HPCAL1: variants seen among roughly 807,000 people sequenced by gnomAD.
HPCAL1 encodes the protein hippocalcin like 1, also known as hippocalcin-like protein 1.
In HPCAL1, 8 loss-of-function variants were observed where a neutral mutation model predicts 17.1. That is an observed-to-expected ratio of 0.47 (90% CI 0.27 to 0.84). HPCAL1 has a LOEUF of 0.84. Among genes scored for constraint, HPCAL1 ranks in the 40% least tolerant of loss-of-function variants. The probability of loss-of-function intolerance (pLI) is 0.13; values close to 1 mark genes in which losing one functional copy is unlikely to be tolerated. For synonymous variants in HPCAL1, 112 were observed against 111.4 expected, an observed-to-expected ratio of 1.01 and a Z score of -0.03; for missense variants, 165 against 271.1, an observed-to-expected ratio of 0.61 and a Z score of 2.75.
intron 1 of HPCAL1, among the ~76,000 whole-genome samples, chr2:10,307,768 A>G (rs1662714956): frequency 1.3e-5 from 2 of 152,172 alleles, no homozygotes; most frequent in African/African-American, 4.8e-5. Flanking sequence ...CTCTTCCGGC[A>G]CAGCGGAGCC....
In HPCAL1 at chr2:10,359,932, C is replaced by T. The variant is rs527571104; in HGVS notation, c.-110-36903C>T. Among the ~76,000 whole-genome samples the T allele has an allele frequency of 2.9e-4, 44 of 151,904 alleles. No homozygotes were observed. The South Asian group carries it at 5.2e-3, about 18-fold the overall frequency. On this transcript the variant is annotated intron_variant, in intron 1 of 4. Coordinates refer to ENST00000307845, the MANE Select transcript of HPCAL1 (RefSeq NM_002149.4). This position sits in a 1 kb window ranked among gnomAD's most constrained non-coding sequence, Gnocchi z 4.1. ...TCCACAGCGCCCGCCGGGTCCACAG[C>T]GCCCGCCGGGTCCACAGCGCCCACC... is the stretch of plus-strand genomic sequence containing the variant.
At position 10,365,598 on chromosome 2, in the gene HPCAL1, G is replaced by A. The variant is rs572468882; in HGVS notation, c.-110-31237G>A. 4.6e-5 allele frequency among the ~76,000 whole-genome samples: 7 copies of A among 151,724 alleles called. No homozygotes were observed. Among genetic ancestry groups the A allele is most frequent in the Admixed American group, 3.3e-4 (5 of 15,238 alleles). Reference sequence around the variant, plus strand: ...TTCAGCCCTGGCGTTATGATGTCCCGCCCAACCCCCGACCGCACACCTCCC... The same window carrying A: ...TTCAGCCCTGGCGTTATGATGTCCCACCCAACCCCCGACCGCACACCTCCC... On this transcript the variant is annotated intron_variant, in intron 1 of 4. Coordinates refer to ENST00000307845, the MANE Select transcript of HPCAL1 (RefSeq NM_002149.4). The surrounding 1 kb of genome is among the most constrained non-coding windows in gnomAD (Gnocchi z 4.8).
In HPCAL1 at chr2:10,351,777, CAAAT is replaced by C. The variant is rs540432874; in HGVS notation, c.-110-45054_-110-45051del. Among the ~76,000 whole-genome samples the C allele has an allele frequency of 3.3e-5, 5 of 151,844 alleles. No homozygotes were observed. In the South Asian group the frequency reaches 1.0e-3, roughly 32 times the overall value. ...CTGTCTCAAATATAAAACAAACAAA[CAAAT>C]AAAGGGCAAAATTCTCCCTGTCTGA... On this transcript the variant is annotated intron_variant, in intron 1 of 4. Coordinates refer to ENST00000307845, the MANE Select transcript of HPCAL1 (RefSeq NM_002149.4).
At chr2:10,413,751 A>T (rs3755262) in intron 2 of HPCAL1, among the ~76,000 whole-genome samples, 1 of 152,108 alleles carries the variant, frequency 6.6e-6, no homozygotes, top group African/African-American at 2.4e-5. Flanking sequence ...TTCCAATGGG[A>T]TCGGTAAGAA....
chr2:10,343,347 T>C lies in HPCAL1; in HGVS notation c.-111+40170T>C, dbSNP rs1656595480. ...AATCCTCGGAGTAATGACTCTCTTCTAGGAGCAAGATGATGCTAATTCTCA... is the reference window on the plus strand; with the variant it reads ...AATCCTCGGAGTAATGACTCTCTTCCAGGAGCAAGATGATGCTAATTCTCA... On this transcript the variant is annotated intron_variant, in intron 1 of 4. Coordinates refer to ENST00000307845, the MANE Select transcript of HPCAL1 (RefSeq NM_002149.4). This position sits in a 1 kb window ranked among gnomAD's most constrained non-coding sequence, Gnocchi z 4.8. 6.6e-6 allele frequency among the ~76,000 whole-genome samples: 1 copy of C among 152,210 alleles called. No homozygotes were observed. Among genetic ancestry groups the C allele is most frequent in the South Asian group, 2.1e-4 (1 of 4,826 alleles).
intron 1 of HPCAL1, among the ~76,000 whole-genome samples, chr2:10,345,208 T>A (rs1001478735): frequency 1.1e-4 from 17 of 152,204 alleles, no homozygotes; most frequent in Admixed American, 1.0e-3. Context: ...TCTGTCTCTT[T>A]CTTTCTGTCT....
rs58882247 is a variant in HPCAL1, at chr2:10,348,910, A to C, written c.-111+45733A>C. ...AGTATGTCTGCCTCTCACGGTGCCC[A>C]GTAGCTTTAACCAAAGAGCTCAGGA... On this transcript the variant is annotated intron_variant, in intron 1 of 4. Coordinates refer to ENST00000307845, the MANE Select transcript of HPCAL1 (RefSeq NM_002149.4). Among the ~76,000 whole-genome samples, 1,156 of 152,342 alleles carry C rather than the reference A, an allele frequency of 7.6e-3. 25 individuals are homozygous for C. Among genetic ancestry groups the C allele is most frequent in the African/African-American group, 0.026 (1,101 of 41,568 alleles).
rs892031730 is a variant in HPCAL1 at position 10,342,422 on chromosome 2, G to A, written c.-111+39245G>A. On this transcript the variant is annotated intron_variant, in intron 1 of 4. Transcript: ENST00000307845. The surrounding 1 kb of genome is among the most constrained non-coding windows in gnomAD (Gnocchi z 4.1). ...TGGGTCCTGGGATATAGCCACATGT[G>A]CAGTCCGTGCCTCCAGCGCGCAGCC... Among the ~76,000 whole-genome samples, 4 of 151,652 alleles carry A rather than the reference G, an allele frequency of 2.6e-5. No individual in the cohort carries two copies. The highest frequency in any genetic ancestry group is 9.7e-5 in the African/African-American group (4 of 41,328).
chr2:10,348,156 T>C (rs906554849), intron 1 of HPCAL1, among the ~76,000 whole-genome samples: 1 of 152,068 alleles, frequency 6.6e-6, no homozygotes, highest in African/African-American at 2.4e-5. Context: ...TCTTTAAAAA[T>C]ACTAGGGGCC....
chr2:10,399,496 TCAC>T, intron 2 of HPCAL1, among the ~76,000 whole-genome samples: 1 of 48,124 alleles, frequency 2.1e-5, no homozygotes, highest in East Asian at 6.9e-4. Context: ...ACCGCCACCA[TCAC>T]CATCACCACC....
intron 1 of HPCAL1, among the ~76,000 whole-genome samples, chr2:10,386,638 T>C (rs1668328263): frequency 6.6e-6 from 1 of 152,080 alleles, no homozygotes; most frequent in South Asian, 2.1e-4. Flanking sequence ...CAGGTGGGTG[T>C]CAGGGGCTTT....
chr2:10,401,475 C>T (rs1436854866), intron 2 of HPCAL1, among the ~76,000 whole-genome samples: 1 of 151,994 alleles, frequency 6.6e-6, no homozygotes, highest in Middle Eastern at 3.2e-3. Context: ...TAGAGACTAT[C>T]TGGGCTAGAA....
rs761002747 is a variant in HPCAL1, at chr2:10,359,784, G to A, written c.-110-37051G>A. Among the ~76,000 whole-genome samples, 1 of 152,226 alleles carries A rather than the reference G, an allele frequency of 6.6e-6. No individual in the cohort carries two copies. Among genetic ancestry groups the A allele is most frequent in the Non-Finnish European group, 1.5e-5 (1 of 68,038 alleles). ...CCCAGATCCCCGTGTCCCCCACAGC[G>A]GTGGCGGTTTTATTGATGTATTGTG... is the stretch of plus-strand genomic sequence containing the variant. On this transcript the variant is annotated intron_variant, in intron 1 of 4. Transcript: ENST00000307845. This position sits in a 1 kb window ranked among gnomAD's most constrained non-coding sequence, Gnocchi z 4.1.
chr2:10,373,072 G>A (rs1455206320), intron 1 of HPCAL1, among the ~76,000 whole-genome samples: 7 of 152,262 alleles, frequency 4.6e-5, no homozygotes, highest in Admixed American at 2.6e-4. Context: ...TCAGCCACAC[G>A]GCTGTGCAGG....
intron 1 of HPCAL1, among the ~76,000 whole-genome samples, chr2:10,389,537 G>T (rs1355365347): frequency 6.6e-6 from 1 of 152,232 alleles, no homozygotes; most frequent in Non-Finnish European, 1.5e-5. Flanking sequence ...AACTGTGCTG[G>T]CACCTTGATC....
chr2:10,405,805 G>C (rs1425323036), intron 2 of HPCAL1, among the ~76,000 whole-genome samples: 3 of 152,210 alleles, frequency 2.0e-5, no homozygotes, highest in African/African-American at 7.2e-5. Flanking sequence ...GCCACATCTA[G>C]AGGGACTGAT....
Position 10,353,252 on chromosome 2 carries a change from G to A in HPCAL1, c.-110-43583G>A, listed in dbSNP as rs978342085. Among the ~76,000 whole-genome samples the A allele has an allele frequency of 5.9e-5, 9 of 152,296 alleles. 1 individual carries two copies. Among genetic ancestry groups the A allele is most frequent in the South Asian group, 4.1e-4 (2 of 4,832 alleles). On this transcript the variant is annotated intron_variant, in intron 1 of 4. Coordinates refer to ENST00000307845, the MANE Select transcript of HPCAL1 (RefSeq NM_002149.4). ...GAGAACCAGCTGAGGCCTGTGTTGCGCATGGGACCTACTATTATTCTTTAT... is the reference window on the plus strand; with the variant it reads ...GAGAACCAGCTGAGGCCTGTGTTGCACATGGGACCTACTATTATTCTTTAT...
rs1667884576 is a variant in HPCAL1, at chr2:10,380,661, T to TC, written c.-110-16174_-110-16173insC. On this transcript the variant is annotated intron_variant, in intron 1 of 4. Coordinates refer to ENST00000307845, the MANE Select transcript of HPCAL1 (RefSeq NM_002149.4). ...CAACCCACCCCTCCCCATTTTCTCT[T>TC]TCTCTCTGCATGACTATTATTCACT... Among the ~76,000 whole-genome samples, 4 of 152,050 alleles carry TC rather than the reference T, an allele frequency of 2.6e-5. No homozygotes were observed. The East Asian group carries it at 7.8e-4, about 30-fold the overall frequency.
chr2:10,392,516 G>C (rs192062384), intron 1 of HPCAL1, among the ~76,000 whole-genome samples: 153 of 152,286 alleles, frequency 1.0e-3, no homozygotes, highest in African/African-American at 3.6e-3. Context: ...ACTTGGCTTA[G>C]ATTTTGCAGG....
Sources: gnomAD v4.1 joint callset for allele counts (sites outside exome capture counted in the v4.1 genomes callset) on GRCh38, gnomAD v4.1.1 for gene constraint, Gnocchi (gnomAD v3.1) non-coding constraint, MANE v1.5 for transcripts, NCBI Gene and HGNC (gene_info 2026-07-23, HGNC 2026-07-21) for gene names.